The following PDLIM7 variants were observed in gnomAD, a reference collection of about 807,000 sequenced individuals.
The protein encoded by PDLIM7 is PDZ and LIM domain 7, also known as PDZ and LIM domain protein 7.
A neutral mutation model predicts 53.9 loss-of-function variants in PDLIM7; 37 were observed. That is an observed-to-expected ratio of 0.69 (90% CI 0.53 to 0.90). The LOEUF (loss-of-function observed/expected upper bound fraction) is 0.90. PDLIM7 is among the 40% of genes least tolerant of loss of function. The pLI is 0.00. For missense variants in PDLIM7, 617 were observed against 638.5 expected (o/e 0.97, Z 0.36); for synonymous variants, 300 against 261.3 (o/e 1.15, Z -1.43).
intron 5 of PDLIM7, 160 bp from the exon 6 acceptor site, chr5:177,491,306 G>C (rs1390061971): frequency 6.8e-7 from 1 of 1,467,242 alleles, no homozygotes; most frequent in African/African-American, 1.4e-5. Context: ...GAGGACAGGA[G>C]GGCGAAGTGG....
chr5:177,488,263 G>A lies in PDLIM7; in HGVS notation c.870-15C>T. On this transcript the variant is annotated splice_polypyrimidine_tract_variant and intron_variant, in intron 9 of 12. Transcript: ENST00000355841. Reference sequence around the variant, plus strand: ...GGTAGCGGCCCCTGCAGGGAGGCGAGAGCGGTCAGAGGGAGCACACGCAGA... The same window carrying A: ...GGTAGCGGCCCCTGCAGGGAGGCGAAAGCGGTCAGAGGGAGCACACGCAGA... 1.3e-6 allele frequency: 2 copies of A among 1,583,822 alleles called. No homozygotes were observed. The highest frequency in any genetic ancestry group is 1.7e-6 in the Non-Finnish European group (2 of 1,164,662).
At chr5:177,491,563 C>G in intron 5 of PDLIM7, 2 of 751,716 alleles carry the variant, frequency 2.7e-6, no homozygotes, top group Non-Finnish European at 4.6e-6. Context: ...CACCACAACC[C>G]AACCCCCAGC....
chr5:177,491,323 G>C (rs1178452809), intron 5 of PDLIM7, 177 bp from the exon 6 acceptor site: 74 of 1,510,156 alleles, frequency 4.9e-5, no homozygotes, highest in Non-Finnish European at 1.8e-6. Context: ...GTGGAGAGGA[G>C]GGCAGCCAGG....
chr5:177,493,972 C>T (rs1758932994), intron 2 of PDLIM7, among the ~76,000 whole-genome samples: 1 of 152,124 alleles, frequency 6.6e-6, no homozygotes, highest in Non-Finnish European at 1.5e-5. Flanking sequence ...AGCTTGACAG[C>T]ACTGGGAAAA....
chr5:177,484,388 T>C, intron 10 of PDLIM7, 198 bp from the exon 11 acceptor site: 1 of 601,992 alleles, frequency 1.7e-6, no homozygotes. Flanking sequence ...AGACTTGCCA[T>C]GTCCAGCACT....
In PDLIM7 at chr5:177,488,115, C is replaced by T. The variant is rs761560775; in HGVS notation, c.1003G>A (p.Val335Met). The change falls in exon 10 of 13, where the codon GTG becomes ATG. Residue 335 changes from valine to methionine, a missense_variant. Val to Met is a conservative substitution (Grantham distance 21). Coordinates refer to ENST00000355841, the MANE Select transcript of PDLIM7 (RefSeq NM_005451.5). Reference protein sequence around the residue: ...GAIFCPPCYDVRYAPSCAKCK... With the variant: ...GAIFCPPCYDMRYAPSCAKCK... The stretch of plus-strand genomic sequence containing the variant: ...TTGGCACAGCTGGGTGCATAGCGCA[C>T]GTCATAGCATGGTGGGCAGAAGATG... 2.7e-5 allele frequency: 43 copies of T among 1,612,550 alleles called. No individual in the cohort carries two copies. Among genetic ancestry groups the T allele is most frequent in the Middle Eastern group, 3.3e-4 (2 of 6,076 alleles).
intron 9 of PDLIM7, among the ~76,000 whole-genome samples, chr5:177,488,606 G>T (rs780094352): frequency 1.3e-5 from 2 of 152,204 alleles, no homozygotes; most frequent in Non-Finnish European, 2.9e-5. Flanking sequence ...TGATAGAGTC[G>T]GCTGGGCACA....
rs771991969 is a variant in PDLIM7, at chr5:177,488,143, G to A, written c.975C>T (p.Gly325=). The A allele has an allele frequency of 9.9e-6, 16 of 1,613,334 alleles. No homozygotes were observed. Among genetic ancestry groups the A allele is most frequent in the Middle Eastern group, 1.7e-4 (1 of 6,060 alleles). ...LEEGGFFEEK[G]AIFCPPCYDV... The stretch of plus-strand genomic sequence containing the variant: ...CATAGCATGGTGGGCAGAAGATGGC[G>A]CCCTTCTCCTCAAAGAAGCCACCCT... Residue 325 remains glycine, a synonymous_variant, in exon 10 of 13, where the codon GGC becomes GGT. Coordinates refer to ENST00000355841, the MANE Select transcript of PDLIM7 (RefSeq NM_005451.5).
At chr5:177,496,579 G>C (rs1179570746) in intron 1 of PDLIM7, 56 bp from the exon 2 acceptor site, 5 of 1,290,054 alleles carry the variant, frequency 3.9e-6, no homozygotes, top group Non-Finnish European at 5.3e-6. Context: ...CAGGCAGGCA[G>C]GCCGGGCCAG....
rs115720344 is a variant in PDLIM7, at chr5:177,493,311, G to A, written c.97-634C>T. On this transcript the variant is annotated intron_variant, in intron 2 of 12. Coordinates refer to ENST00000355841, the MANE Select transcript of PDLIM7 (RefSeq NM_005451.5). Reference sequence around the variant, plus strand: ...GACCTAAGTTGACAGCTGGGACTTCGTAGGCCATACATGGCTGTCACTCCC... The same window carrying A: ...GACCTAAGTTGACAGCTGGGACTTCATAGGCCATACATGGCTGTCACTCCC... 2.2e-3 allele frequency among the ~76,000 whole-genome samples: 339 copies of A among 152,306 alleles called. 1 individual carries two copies. Among genetic ancestry groups the A allele is most frequent in the African/African-American group, 7.7e-3 (319 of 41,566 alleles).
At position 177,483,521 on chromosome 5, in the gene PDLIM7, C is replaced by T. The variant is rs1247151345; in HGVS notation, c.*123G>A. 3.3e-5 allele frequency: 22 copies of T among 673,570 alleles called. No individual in the cohort carries two copies. Among genetic ancestry groups the T allele is most frequent in the Non-Finnish European group, 4.9e-5 (19 of 390,070 alleles). 41.7% of individuals were successfully genotyped at this position (673,570 alleles called of 1,614,324 possible). On this transcript the variant is annotated 3_prime_UTR_variant, in exon 13 of 13. Coordinates refer to ENST00000355841, the MANE Select transcript of PDLIM7 (RefSeq NM_005451.5). ...GGTGGGTGGGGCAGGGCCCAGGGAG[C>T]CCCAGGCTCGGGCCAGGAGCCAGGG...
At chr5:177,496,329 G>C (rs1759068506) in intron 2 of PDLIM7, 88 bp downstream of exon 2, 4 of 986,894 alleles carry the variant, frequency 4.1e-6, no homozygotes, top group East Asian at 6.0e-5. Flanking sequence ...CCCCTGACCA[G>C]CTCCTGTTAG....
At chr5:177,488,816 G>A (rs1244995755) in intron 9 of PDLIM7, among the ~76,000 whole-genome samples, 1 of 152,136 alleles carries the variant, frequency 6.6e-6, no homozygotes, top group Non-Finnish European at 1.5e-5. Flanking sequence ...CTTGAACCCA[G>A]GAGGCAGAGG....
At chr5:177,496,009 G>T (rs907489659) in intron 2 of PDLIM7, among the ~76,000 whole-genome samples, 5 of 152,064 alleles carry the variant, frequency 3.3e-5, no homozygotes, top group Non-Finnish European at 7.4e-5. Flanking sequence ...AACGGGATGA[G>T]GATTGCTATT....
At chr5:177,490,036 G>C in intron 7 of PDLIM7, 1 of 1,533,560 alleles carries the variant, frequency 6.5e-7, no homozygotes, top group African/African-American at 1.4e-5. Context: ...CTCTAGCTGG[G>C]AGACGAGGCA....
intron 7 of PDLIM7, 79 bp from the exon 8 acceptor site, chr5:177,489,911 C>A: frequency 6.5e-7 from 1 of 1,541,524 alleles, no homozygotes; most frequent in Admixed American, 2.0e-5. Flanking sequence ...GTCCTGCTGG[C>A]CCCACGGGAG....
intron 5 of PDLIM7, 181 bp downstream of exon 5, chr5:177,491,626 T>A: frequency 1.6e-6 from 1 of 626,208 alleles, no homozygotes; most frequent in Non-Finnish European, 2.8e-6. Context: ...GGCGGTGCCC[T>A]GCAAGGCGCC....
intron 2 of PDLIM7, among the ~76,000 whole-genome samples, chr5:177,495,399 C>A (rs936647170): frequency 6.6e-6 from 1 of 152,184 alleles, no homozygotes; most frequent in African/African-American, 2.4e-5. Flanking sequence ...AGCTGCCTGC[C>A]CACCCGGCGC....
chr5:177,491,668 C>T, intron 5 of PDLIM7, 139 bp downstream of exon 5: 3 of 621,802 alleles, frequency 4.8e-6, no homozygotes, highest in Non-Finnish European at 8.1e-6. Context: ...TGCCTGCAGC[C>T]CCACCCCGGC....
Sources: gnomAD v4.1 joint callset for allele counts (sites outside exome capture counted in the v4.1 genomes callset) on GRCh38, gnomAD v4.1.1 for gene constraint, MANE v1.5 for transcripts, NCBI Gene and HGNC (gene_info 2026-07-23, HGNC 2026-07-21) for gene names.